Variants in PLCB1 observed in about 807,000 individuals in gnomAD.
PLCB1 encodes the protein 1-phosphatidylinositol 4,5-bisphosphate phosphodiesterase beta-1.
Under a neutral mutation model 161.8 loss-of-function variants are expected in PLCB1, and 46 were observed. The observed-to-expected ratio is 0.28, with a 90% CI of 0.22 to 0.36. PLCB1 has a LOEUF of 0.36. Ranked by LOEUF, PLCB1 falls within the 10% of genes least tolerant of loss-of-function variation. The pLI, the probability that PLCB1 is intolerant of heterozygous loss-of-function variation, is 1.00. For missense variants in PLCB1, 1,016 were observed against 1,472.5 expected (o/e 0.69, Z 5.07); for synonymous variants, 517 against 503.7 (o/e 1.03, Z -0.35).
intron 2 of PLCB1, among the ~76,000 whole-genome samples, chr20:8,352,361 T>C (rs961227630): frequency 5.9e-5 from 9 of 152,016 alleles, no homozygotes; most frequent in African/African-American, 2.2e-4. Context: ...CAGTGAATCT[T>C]TTTAGGATAG....
intron 2 of PLCB1, among the ~76,000 whole-genome samples, chr20:8,367,716 A>AC (rs1305876062): frequency 2.6e-5 from 4 of 152,226 alleles, no homozygotes; most frequent in African/African-American, 9.6e-5. Flanking sequence ...GCAGAAAGGG[A>AC]CCATTTCACT....
chr20:8,741,597 A>T, intron 23 of PLCB1, 24 bp downstream of exon 23: 1 of 1,471,712 alleles, frequency 6.8e-7, no homozygotes, highest in Non-Finnish European at 9.5e-7. Context: ...TTAATTTTAC[A>T]TATAGCATTA....
chr20:8,760,551 G>A (rs934188983), intron 25 of PLCB1, 91 bp downstream of exon 25: 3 of 781,312 alleles, frequency 3.8e-6, no homozygotes, highest in East Asian at 2.6e-5. Flanking sequence ...ATTCATATCT[G>A]AAAAACAACA....
intron 2 of PLCB1, among the ~76,000 whole-genome samples, chr20:8,235,571 T>C (rs1980274437): frequency 6.6e-6 from 1 of 152,114 alleles, no homozygotes; most frequent in Admixed American, 6.6e-5. Flanking sequence ...AGTAACATTC[T>C]TGAGCATGTC....
At chr20:8,324,976 A>G (rs1046751985) in intron 2 of PLCB1, among the ~76,000 whole-genome samples, 1 of 152,238 alleles carries the variant, frequency 6.6e-6, no homozygotes, top group Non-Finnish European at 1.5e-5. Flanking sequence ...TGATAATTAA[A>G]GATACTGACA....
intron 2 of PLCB1, among the ~76,000 whole-genome samples, chr20:8,303,789 A>G (rs1410873201): frequency 6.6e-6 from 1 of 152,184 alleles, no homozygotes; most frequent in African/African-American, 2.4e-5. Flanking sequence ...GGCTCTTCAA[A>G]TGTGCCTCAT....
At chr20:8,692,444 G>A (rs1990499617) in intron 10 of PLCB1, among the ~76,000 whole-genome samples, 1 of 152,032 alleles carries the variant, frequency 6.6e-6, no homozygotes, top group African/African-American at 2.4e-5. Context: ...AAATAAACAG[G>A]GCCCAGTTTA....
intron 3 of PLCB1, among the ~76,000 whole-genome samples, chr20:8,392,289 A>G (rs941723799): frequency 3.3e-5 from 5 of 152,084 alleles, no homozygotes; most frequent in Admixed American, 1.3e-4. Context: ...TGCCACCTTG[A>G]AACAGAGAGC....
At chr20:8,485,061 A>C (rs1028064435) in intron 3 of PLCB1, among the ~76,000 whole-genome samples, 1 of 152,218 alleles carries the variant, frequency 6.6e-6, no homozygotes, top group African/African-American at 2.4e-5. Context: ...GAAAACCAGC[A>C]CTTAATTATA....
chr20:8,667,618 C>T (rs1989845200), intron 9 of PLCB1, among the ~76,000 whole-genome samples: 1 of 152,190 alleles, frequency 6.6e-6, no homozygotes, highest in Non-Finnish European at 1.5e-5. Context: ...ACAGCTCTGG[C>T]CAGAAAGTCA....
chr20:8,145,804 A>G (rs2123023766), intron 1 of PLCB1, among the ~76,000 whole-genome samples: 1 of 152,328 alleles, frequency 6.6e-6, no homozygotes, highest in Non-Finnish European at 1.5e-5. Context: ...TGGAATTAAT[A>G]CGAATACTAT....
intron 2 of PLCB1, among the ~76,000 whole-genome samples, chr20:8,203,921 A>G (rs1400874456): frequency 6.6e-6 from 1 of 152,162 alleles, no homozygotes; most frequent in Non-Finnish European, 1.5e-5. Flanking sequence ...CTTGTACTTT[A>G]TAACACCTTT....
chr20:8,865,229 C>T (rs945230567), intron 31 of PLCB1, among the ~76,000 whole-genome samples: 1 of 152,118 alleles, frequency 6.6e-6, no homozygotes, highest in Non-Finnish European at 1.5e-5. Flanking sequence ...GGCTTTATAA[C>T]ACTAGCTCTT....
intron 2 of PLCB1, among the ~76,000 whole-genome samples, chr20:8,360,175 A>G (rs912265474): frequency 3.3e-5 from 5 of 152,244 alleles, no homozygotes; most frequent in African/African-American, 1.2e-4. Context: ...TCTGTCAGAC[A>G]TGAACTATCA....
intron 3 of PLCB1, among the ~76,000 whole-genome samples, chr20:8,595,180 A>C (rs1987292400): frequency 6.6e-6 from 1 of 150,812 alleles, no homozygotes; most frequent in African/African-American, 2.4e-5. Flanking sequence ...TACATGTGCC[A>C]TGCTGGTACG....
intron 2 of PLCB1, among the ~76,000 whole-genome samples, chr20:8,164,596 A>T (rs1165906863): frequency 6.6e-6 from 1 of 152,244 alleles, no homozygotes; most frequent in East Asian, 1.9e-4. Context: ...TTCAGAGCCA[A>T]TGCAAAGTTT....
At chr20:8,474,066 T>C (rs1464928349) in intron 3 of PLCB1, among the ~76,000 whole-genome samples, 1 of 152,196 alleles carries the variant, frequency 6.6e-6, no homozygotes, top group Non-Finnish European at 1.5e-5. Context: ...GGCAGGAATA[T>C]CATTAGGGCA....
At chr20:8,837,969 A>T (rs1024298019) in intron 31 of PLCB1, among the ~76,000 whole-genome samples, 2 of 152,172 alleles carry the variant, frequency 1.3e-5, no homozygotes, top group Non-Finnish European at 1.5e-5. Flanking sequence ...ACAGAGAACC[A>T]TGGCACTGGC....
intron 25 of PLCB1, among the ~76,000 whole-genome samples, chr20:8,760,878 T>C (rs1318828722): frequency 6.6e-6 from 1 of 152,250 alleles, no homozygotes; most frequent in Non-Finnish European, 1.5e-5. Flanking sequence ...AGTTATTTTA[T>C]ATTTGGTTAG....
Sources: gnomAD v4.1 joint callset for allele counts (sites outside exome capture counted in the v4.1 genomes callset) on GRCh38, gnomAD v4.1.1 for gene constraint, MANE v1.5 for transcripts, NCBI Gene and HGNC (gene_info 2026-07-23, HGNC 2026-07-21) for gene names.